The following SLC24A3 variants were observed in gnomAD, a reference collection of about 807,000 sequenced individuals.
SLC24A3 encodes sodium/potassium/calcium exchanger 3.
Under a neutral mutation model 75.8 loss-of-function variants are expected in SLC24A3, and 28 were observed. The ratio of observed to expected loss-of-function variants is 0.37; its 90% CI spans 0.27 to 0.51. The LOEUF (loss-of-function observed/expected upper bound fraction) is 0.51, where lower values mean the gene tolerates loss of function less well. Ranked by LOEUF, SLC24A3 falls within the 20% of genes least tolerant of loss-of-function variation. The probability of loss-of-function intolerance (pLI) is 0.94; values close to 1 mark genes in which losing one functional copy is unlikely to be tolerated. For synonymous variants in SLC24A3, 372 were observed against 334.1 expected, an observed-to-expected ratio of 1.11 and a Z score of -1.24; for missense variants, 663 against 847.8, an observed-to-expected ratio of 0.78 and a Z score of 2.71.
At chr20:19,425,438 T>G (rs766530968) in intron 2 of SLC24A3, among the ~76,000 whole-genome samples, 5 of 152,258 alleles carry the variant, frequency 3.3e-5, no homozygotes, top group Non-Finnish European at 5.9e-5. Flanking sequence ...CCAGTCACTT[T>G]GTAGAATGTC....
intron 15 of SLC24A3, among the ~76,000 whole-genome samples, chr20:19,717,040 C>T (rs2033052922): frequency 6.6e-6 from 1 of 152,246 alleles, no homozygotes; most frequent in Non-Finnish European, 1.5e-5. Flanking sequence ...TCCTCCACTT[C>T]TTCCCATCAA....
intron 2 of SLC24A3, among the ~76,000 whole-genome samples, chr20:19,369,565 T>G (rs960803530): frequency 1.3e-5 from 2 of 152,242 alleles, no homozygotes; most frequent in African/African-American, 4.8e-5. Context: ...TAACATAGAT[T>G]AGATAATAGT....
chr20:19,250,623 G>A (rs948006280), intron 1 of SLC24A3, among the ~76,000 whole-genome samples: 2 of 152,206 alleles, frequency 1.3e-5, no homozygotes, highest in Non-Finnish European at 2.9e-5. Flanking sequence ...TGGCTAGAGA[G>A]AGAGGTTCAT....
intron 2 of SLC24A3, among the ~76,000 whole-genome samples, chr20:19,374,991 G>T (rs1009935924): frequency 6.6e-6 from 1 of 152,064 alleles, no homozygotes; most frequent in African/African-American, 2.4e-5. Context: ...ATTTTTCCCA[G>T]AGTTTCTGCT....
intron 7 of SLC24A3, among the ~76,000 whole-genome samples, chr20:19,657,247 C>G (rs920492079): frequency 6.6e-6 from 1 of 152,210 alleles, no homozygotes; most frequent in Admixed American, 6.5e-5. Context: ...TTTGAGTCCT[C>G]AAGGTTAGGT....
intron 1 of SLC24A3, among the ~76,000 whole-genome samples, chr20:19,245,162 C>T (rs942703535): frequency 6.6e-6 from 1 of 152,086 alleles, no homozygotes; most frequent in Non-Finnish European, 1.5e-5. Flanking sequence ...TAAAAAATAT[C>T]TTATCGTGGA....
chr20:19,530,381 G>C (rs564217066), intron 3 of SLC24A3, among the ~76,000 whole-genome samples: 1 of 152,340 alleles, frequency 6.6e-6, no homozygotes, highest in South Asian at 2.1e-4. Context: ...TTTGGGGTAA[G>C]GTGGTGATGG....
intron 6 of SLC24A3, among the ~76,000 whole-genome samples, chr20:19,649,003 A>G (rs2032169257): frequency 6.6e-6 from 1 of 152,220 alleles, no homozygotes; most frequent in Non-Finnish European, 1.5e-5. Context: ...TCAAGGACAG[A>G]ATTACTCACT....
chr20:19,297,495 T>C (rs1345694050), intron 2 of SLC24A3, among the ~76,000 whole-genome samples: 1 of 152,226 alleles, frequency 6.6e-6, no homozygotes, highest in East Asian at 1.9e-4. Flanking sequence ...GTTCTAGAAC[T>C]TTATGTGCAT....
At chr20:19,638,186 C>G (rs1043339822) in intron 6 of SLC24A3, among the ~76,000 whole-genome samples, 39 of 151,716 alleles carry the variant, frequency 2.6e-4, no homozygotes, top group African/African-American at 9.2e-4. Flanking sequence ...GTTTTCTGTT[C>G]CTGTGTTAGT....
rs1371483168 is a variant in SLC24A3 at position 19,223,012 on chromosome 20, G to A, written c.142+10028G>A. On this transcript the variant is annotated intron_variant, in intron 1 of 16. Transcript: ENST00000328041. ...ACAGTCATAAGAAGTAATACAGAGG[G>A]CCAGGCACAGTGGCTCATGCCTGTA... 6.6e-5 allele frequency among the ~76,000 whole-genome samples: 10 copies of A among 152,162 alleles called. 1 individual carries two copies. In the East Asian group the frequency reaches 1.5e-3, roughly 24 times the overall value.
At chr20:19,487,466 A>G (rs1277335539) in intron 2 of SLC24A3, among the ~76,000 whole-genome samples, 1 of 152,178 alleles carries the variant, frequency 6.6e-6, no homozygotes, top group Non-Finnish European at 1.5e-5. Context: ...AATAATAACA[A>G]CAATAGCACT....
chr20:19,546,158 CAAAAAAAAAAAAA>C (rs367781560), intron 3 of SLC24A3, among the ~76,000 whole-genome samples: 11 of 46,744 alleles, frequency 2.4e-4, no homozygotes, highest in African/African-American at 7.7e-4. Flanking sequence ...GACTCCGTCT[CAAAAAAAAAAAAA>C]AAAAAAAAAA....
intron 2 of SLC24A3, among the ~76,000 whole-genome samples, chr20:19,378,145 C>T (rs969596661): frequency 2.6e-5 from 4 of 152,144 alleles, no homozygotes; most frequent in Non-Finnish European, 5.9e-5. Context: ...TCTCCAGGAA[C>T]GAGAACCCTG....
At chr20:19,620,512 C>T (rs990890932) in intron 6 of SLC24A3, among the ~76,000 whole-genome samples, 2 of 152,226 alleles carry the variant, frequency 1.3e-5, no homozygotes, top group African/African-American at 4.8e-5. Context: ...AGCAGTTTGA[C>T]ATTAAAGCTT....
At chr20:19,678,301 T>C (rs1449169048) in intron 9 of SLC24A3, among the ~76,000 whole-genome samples, 1 of 136,822 alleles carries the variant, frequency 7.3e-6, no homozygotes, top group African/African-American at 2.7e-5. Flanking sequence ...GAGGCACCCC[T>C]CACCTCCCAG....
intron 3 of SLC24A3, among the ~76,000 whole-genome samples, chr20:19,561,013 C>G (rs1237759075): frequency 6.6e-6 from 1 of 152,152 alleles, no homozygotes; most frequent in African/African-American, 2.4e-5. Flanking sequence ...TTTTTTGTCT[C>G]CAGACTATCT....
At chr20:19,683,113 A>G (rs1293830534) in intron 10 of SLC24A3, among the ~76,000 whole-genome samples, 1 of 152,214 alleles carries the variant, frequency 6.6e-6, no homozygotes, top group Non-Finnish European at 1.5e-5. Context: ...ACATCACTGC[A>G]TCATTAGATT....
intron 15 of SLC24A3, among the ~76,000 whole-genome samples, chr20:19,714,419 AAAAAAAAC>A (rs2033021468): frequency 7.3e-6 from 1 of 136,174 alleles, no homozygotes; most frequent in Admixed American, 8.0e-5. Context: ...AAAAAAAAAA[AAAAAAAAC>A]AACAAAAAGA....
Sources: allele counts gnomAD v4.1 joint callset (sites outside exome capture counted in the v4.1 genomes callset), GRCh38; gene constraint gnomAD v4.1.1; transcripts MANE v1.5; gene names NCBI Gene and HGNC (gene_info 2026-07-23, HGNC 2026-07-21).